Variants in PTPN13 observed in about 807,000 individuals in gnomAD.
PTPN13 encodes tyrosine-protein phosphatase non-receptor type 13.
A neutral mutation model predicts 284.0 loss-of-function variants in PTPN13; 191 were observed. The observed-to-expected ratio is 0.67, with a 90% CI of 0.60 to 0.76. The LOEUF (loss-of-function observed/expected upper bound fraction) is 0.76, where lower values mean the gene tolerates loss of function less well. Among genes scored for constraint, PTPN13 ranks in the 30% least tolerant of loss-of-function variants. PTPN13 has a pLI of 0.00. For missense variants in PTPN13, 2,797 were observed against 2,939.9 expected, an observed-to-expected ratio of 0.95 and a Z score of 1.12; for synonymous variants, 986 against 1,022.3, an observed-to-expected ratio of 0.96 and a Z score of 0.68.
intron 6 of PTPN13, among the ~76,000 whole-genome samples, chr4:86,697,071 G>T (rs980371106): frequency 1.3e-5 from 2 of 151,902 alleles, no homozygotes; most frequent in African/African-American, 4.8e-5. Context: ...CAACTGCATA[G>T]ACTAATTTTA....
chr4:86,608,421 G>T (rs1402491318), intron 1 of PTPN13, among the ~76,000 whole-genome samples: 4 of 152,010 alleles, frequency 2.6e-5, no homozygotes, highest in Non-Finnish European at 5.9e-5. Context: ...AGGCTCTGTT[G>T]CTGCTTTACA....
intron 31 of PTPN13, among the ~76,000 whole-genome samples, 170 bp from the exon 32 acceptor site, chr4:86,772,608 A>G (rs1740130906): frequency 6.6e-6 from 1 of 152,238 alleles, no homozygotes; most frequent in Admixed American, 6.5e-5. Flanking sequence ...TAATTTTAAC[A>G]TTTAACAGAT....
At position 86,693,650 on chromosome 4, in the gene PTPN13, T is replaced by A; in HGVS notation, c.610T>A (p.Leu204Met). 6.4e-7 allele frequency: 1 copy of A among 1,554,686 alleles called. No individual in the cohort carries two copies. The highest frequency in any genetic ancestry group is 8.7e-7 in the Non-Finnish European group (1 of 1,146,672). The change falls in exon 6 of 48, where the codon TTG (leucine) becomes ATG (methionine). Residue 204 changes from leucine to methionine, a missense_variant. Coordinates refer to ENST00000411767, the MANE Select transcript of PTPN13 (RefSeq NM_080683.3). Reference protein sequence around the residue: ...PDRSQAIRDRLRGKGLPTGRS... With the variant: ...PDRSQAIRDRMRGKGLPTGRS... Reference sequence around the variant, plus strand: ...TCGAAGCCAGGCTATTCGAGATCGATTGCGAGGAAAAGGATTACCAACAGG... The same window carrying A: ...TCGAAGCCAGGCTATTCGAGATCGAATGCGAGGAAAAGGATTACCAACAGG...
At chr4:86,637,021 C>G (rs1355978637) in intron 2 of PTPN13, among the ~76,000 whole-genome samples, 1 of 152,106 alleles carries the variant, frequency 6.6e-6, no homozygotes, top group Non-Finnish European at 1.5e-5. Flanking sequence ...CACAGAAATA[C>G]AAACTACCAT....
chr4:86,766,776 G>T, intron 27 of PTPN13: 1 of 287,188 alleles, frequency 3.5e-6, no homozygotes, highest in Non-Finnish European at 6.4e-6. Context: ...GGGAGGGATG[G>T]AAATTGCATT....
intron 3 of PTPN13, among the ~76,000 whole-genome samples, chr4:86,673,703 T>G (rs1427389115): frequency 1.3e-5 from 2 of 151,302 alleles, no homozygotes; most frequent in Non-Finnish European, 1.5e-5. Flanking sequence ...AATTGGGGAG[T>G]TGTTGTTGTT....
chr4:86,607,650 T>C (rs1422851667), intron 1 of PTPN13, among the ~76,000 whole-genome samples: 2 of 152,012 alleles, frequency 1.3e-5, no homozygotes, highest in African/African-American at 4.8e-5. Flanking sequence ...GTAGTGTCTT[T>C]TGACATGAGC....
At chr4:86,768,681 A>ACTG (rs1739608034) in intron 28 of PTPN13, among the ~76,000 whole-genome samples, 2 of 151,134 alleles carry the variant, frequency 1.3e-5, no homozygotes, top group South Asian at 4.2e-4. Flanking sequence ...ATTTTATCAT[A>ACTG]CTGCTCTTTA....
chr4:86,773,037 A>T (rs901995217), intron 32 of PTPN13, 79 bp downstream of exon 32: 2 of 1,091,250 alleles, frequency 1.8e-6, no homozygotes, highest in Non-Finnish European at 2.5e-6. Flanking sequence ...CCCTTTAGGG[A>T]AAAAGCTATC....
chr4:86,611,937 G>T (rs1328427018), intron 1 of PTPN13, among the ~76,000 whole-genome samples: 1 of 152,182 alleles, frequency 6.6e-6, no homozygotes, highest in Non-Finnish European at 1.5e-5. Context: ...AACCGTACTT[G>T]TGCTCACACA....
chr4:86,635,375 A>AGCTGCT lies in PTPN13; in HGVS notation c.115+18_115+23dup. On this transcript the variant is annotated splice_donor_region_variant and intron_variant, in intron 2 of 47. Transcript: ENST00000411767. Reference sequence around the variant, plus strand: ...CTCCAAGAATTATTCAGAAAAGGTAAGCTGCTGCTGCTGCTGCTGTTGTTG... The same window carrying AGCTGCT: ...CTCCAAGAATTATTCAGAAAAGGTAAGCTGCTGCTGCTGCTGCTGCTGCTGTTGTTG... 3.8e-6 allele frequency: 6 copies of AGCTGCT among 1,585,170 alleles called. No individual in the cohort carries two copies. The highest frequency in any genetic ancestry group is 4.3e-6 in the Non-Finnish European group (5 of 1,165,332).
chr4:86,745,619 A>C (rs1736657097), intron 17 of PTPN13, among the ~76,000 whole-genome samples: 1 of 152,096 alleles, frequency 6.6e-6, no homozygotes, highest in South Asian at 2.1e-4. Context: ...TACTAAAAAT[A>C]CAAAAAATCA....
chr4:86,711,098 C>CTTTTTTTTTTTTTTTTTTTTTTT (rs58186398), intron 7 of PTPN13, among the ~76,000 whole-genome samples: 3 of 97,106 alleles, frequency 3.1e-5, no homozygotes, highest in Non-Finnish European at 6.1e-5. Flanking sequence ...TAATTATTGC[C>CTTTTTTTTTTTTTTTTTTTTTTT]TTTTTTTTTT....
intron 9 of PTPN13, among the ~76,000 whole-genome samples, chr4:86,721,867 C>T (rs1733705970): frequency 1.3e-5 from 2 of 151,780 alleles, no homozygotes; most frequent in South Asian, 4.2e-4. Flanking sequence ...ACCTCAGCCT[C>T]CTGAGTAGCC....
intron 40 of PTPN13, among the ~76,000 whole-genome samples, chr4:86,790,159 G>A (rs1742453812): frequency 6.6e-6 from 1 of 152,120 alleles, no homozygotes; most frequent in African/African-American, 2.4e-5. Flanking sequence ...AGACTAAAAT[G>A]AGCAGCTTCT....
At chr4:86,651,786 C>T (rs540464163) in intron 2 of PTPN13, among the ~76,000 whole-genome samples, 1 of 152,270 alleles carries the variant, frequency 6.6e-6, no homozygotes, top group East Asian at 1.9e-4. Context: ...TCCTAATAGT[C>T]TCTAATGATC....
At chr4:86,726,512 T>C (rs1224530155) in intron 10 of PTPN13, among the ~76,000 whole-genome samples, 1 of 149,324 alleles carries the variant, frequency 6.7e-6, no homozygotes, top group African/African-American at 2.4e-5. Context: ...TTTGTAGTTC[T>C]GCTTGAAGAG....
chr4:86,611,421 A>G (rs1418577256), intron 1 of PTPN13, among the ~76,000 whole-genome samples: 3 of 152,346 alleles, frequency 2.0e-5, no homozygotes, highest in Non-Finnish European at 4.4e-5. Context: ...GGATGATTGA[A>G]CTGGGATGCC....
chr4:86,648,133 T>G (rs1578331432), intron 2 of PTPN13, among the ~76,000 whole-genome samples: 1 of 152,110 alleles, frequency 6.6e-6, no homozygotes, highest in East Asian at 1.9e-4. Context: ...GAGGTACATG[T>G]GATATTTTGA....
Sources: allele counts gnomAD v4.1 joint callset (sites outside exome capture counted in the v4.1 genomes callset), GRCh38; gene constraint gnomAD v4.1.1; transcripts MANE v1.5; gene names NCBI Gene and HGNC (gene_info 2026-07-23, HGNC 2026-07-21).